The following FOXK1 variants were observed in gnomAD, a reference collection of about 807,000 sequenced individuals.
The protein encoded by FOXK1 is forkhead box K1, also known as forkhead box protein K1.
FOXK1 carries 19 observed loss-of-function variants against 51.9 expected under a neutral mutation model. The ratio of observed to expected loss-of-function variants is 0.37; its 90% confidence interval spans 0.26 to 0.54. The LOEUF (loss-of-function observed/expected upper bound fraction) is 0.54, where lower values mean the gene tolerates loss of function less well. Ranked by LOEUF, FOXK1 falls within the 20% of genes least tolerant of loss-of-function variation. The pLI, the probability that FOXK1 is intolerant of heterozygous loss-of-function variation, is 0.87. For synonymous variants in FOXK1, 537 were observed against 482.6 expected (o/e 1.11, Z -1.48); for missense variants, 870 against 1,032.7 (o/e 0.84, Z 2.16).
In FOXK1 at chr7:4,767,004, G is replaced by T. The variant is rs1237166973; in HGVS notation, c.*4540G>T. The T allele has an allele frequency of 2.6e-5, 4 of 152,242 alleles. No homozygotes were observed. 9.4% of individuals were successfully genotyped at this position (152,242 alleles called of 1,614,324 possible). ...CAGTGGGAAAAATGAAAACGTAATGGAACACGGGGAGGTGTCGGAGAAGAA... is the reference window on the plus strand; with the variant it reads ...CAGTGGGAAAAATGAAAACGTAATGTAACACGGGGAGGTGTCGGAGAAGAA... On this transcript the variant is annotated 3_prime_UTR_variant, in exon 9 of 9. Transcript: ENST00000328914. This position sits in a 1 kb window ranked among gnomAD's most constrained non-coding sequence, Gnocchi z 6.6.
At position 4,722,492 on chromosome 7, in the gene FOXK1, A is replaced by T. The variant is rs939523646; in HGVS notation, c.561-18346A>T. On this transcript the variant is annotated intron_variant, in intron 1 of 8. Transcript: ENST00000328914. The surrounding 1 kb of genome is among the most constrained non-coding windows in gnomAD (Gnocchi z 5.1). ...TACACGGCAGGGCAGTGGGCTGCTCAGCACCAGTGGCCTCAGCCCAGTGCC... is the reference window on the plus strand; with the variant it reads ...TACACGGCAGGGCAGTGGGCTGCTCTGCACCAGTGGCCTCAGCCCAGTGCC... Among the ~76,000 whole-genome samples the T allele has an allele frequency of 3.2e-4, 49 of 152,336 alleles. No homozygotes were observed. Among genetic ancestry groups the T allele is most frequent in the South Asian group, 1.2e-3 (6 of 4,828 alleles).
intron 2 of FOXK1, 57 bp from the exon 3 acceptor site, chr7:4,754,402 C>A: frequency 6.3e-7 from 1 of 1,586,322 alleles, no homozygotes; most frequent in Non-Finnish European, 8.6e-7. Context: ...AGCCCTGAGC[C>A]CCACAGGGGC....
In FOXK1 at chr7:4,682,846, C is replaced by G; in HGVS notation, c.538C>G (p.Pro180Ala). 6.4e-7 allele frequency: 1 copy of G among 1,559,796 alleles called. No individual in the cohort carries two copies. Among genetic ancestry groups the G allele is most frequent in the Middle Eastern group, 2.3e-4 (1 of 4,386 alleles). Residue 180 changes from proline to alanine, a missense_variant, in exon 1 of 9, where the codon CCC (proline) becomes GCC (alanine). Physicochemically the swap from Pro to Ala is conservative, Grantham distance 27. This residue lies in a region of FOXK1 where 399 missense variants were observed against 475.6 expected (regional missense o/e 0.84). Coordinates refer to ENST00000328914, the MANE Select transcript of FOXK1 (RefSeq NM_001037165.2). The surrounding 1 kb of genome is among the most constrained non-coding windows in gnomAD (Gnocchi z 7.6). ...CGGGGCCTTCCAGAGACGCGGCGCG[C>G]CCGCCCTGCAGCTGCCCAAGCAGTG... ...VDGAFQRRGA[P>A]ALQLPKQCTF...
In FOXK1 at chr7:4,729,882, C is replaced by A. The variant is rs988490962; in HGVS notation, c.561-10956C>A. Among the ~76,000 whole-genome samples, 1 of 152,056 alleles carries A rather than the reference C, an allele frequency of 6.6e-6. No individual in the cohort carries two copies. The highest frequency in any genetic ancestry group is 2.1e-4 in the South Asian group (1 of 4,822). ...GTGGGTACCAGTAATCCTAGCTACT[C>A]GGGAGGCTGAGGCAGGAGAATCGCT... is the stretch of plus-strand genomic sequence containing the variant. On this transcript the variant is annotated intron_variant, in intron 1 of 8. Coordinates refer to ENST00000328914, the MANE Select transcript of FOXK1 (RefSeq NM_001037165.2). This position sits in a 1 kb window ranked among gnomAD's most constrained non-coding sequence, Gnocchi z 6.2.
intron 2 of FOXK1, among the ~76,000 whole-genome samples, 182 bp from the exon 3 acceptor site, chr7:4,754,277 G>A (rs1038622993): frequency 2.0e-5 from 3 of 152,352 alleles, no homozygotes; most frequent in East Asian, 1.9e-4. Context: ...CTTGCCTGCC[G>A]TTTCCAGCAT....
At position 4,740,043 on chromosome 7, in the gene FOXK1, C is replaced by G. The variant is rs1188163874; in HGVS notation, c.561-795C>G. Reference sequence around the variant, plus strand: ...GGCACAATGGCTCTCGCCTGTAATCCCAGCAGTTTGGGAGGCTGAGGCAGG... The same window carrying G: ...GGCACAATGGCTCTCGCCTGTAATCGCAGCAGTTTGGGAGGCTGAGGCAGG... On this transcript the variant is annotated intron_variant, in intron 1 of 8. Coordinates refer to ENST00000328914, the MANE Select transcript of FOXK1 (RefSeq NM_001037165.2). Among the ~76,000 whole-genome samples, 9 of 152,296 alleles carry G rather than the reference C, an allele frequency of 5.9e-5. No homozygotes were observed. In the East Asian group the frequency reaches 1.7e-3, roughly 29 times the overall value.
chr7:4,732,511 C>A (rs970201436), intron 1 of FOXK1, among the ~76,000 whole-genome samples: 1 of 152,142 alleles, frequency 6.6e-6, no homozygotes, highest in South Asian at 2.1e-4. Context: ...CCAGGCTGAT[C>A]TCGAACTCCT....
chr7:4,685,536 T>C (rs570504719), intron 1 of FOXK1, among the ~76,000 whole-genome samples: 3 of 152,000 alleles, frequency 2.0e-5, no homozygotes, highest in Middle Eastern at 3.4e-3. Context: ...TTTTTTTTTT[T>C]TTTTTTTTAA....
At position 4,711,171 on chromosome 7, in the gene FOXK1, C is replaced by T. The variant is rs912052842; in HGVS notation, c.560+28303C>T. 3.1e-4 allele frequency among the ~76,000 whole-genome samples: 47 copies of T among 152,162 alleles called. No individual in the cohort carries two copies. Among genetic ancestry groups the T allele is most frequent in the African/African-American group, 1.1e-3 (46 of 41,446 alleles). Reference sequence around the variant, plus strand: ...CAAGCATGATGTCCGTTCCTGATGCCTTGCCCCGGGCAGCATGTGCCCAGC... The same window carrying T: ...CAAGCATGATGTCCGTTCCTGATGCTTTGCCCCGGGCAGCATGTGCCCAGC... On this transcript the variant is annotated intron_variant, in intron 1 of 8. Transcript: ENST00000328914. The surrounding 1 kb of genome is among the most constrained non-coding windows in gnomAD (Gnocchi z 6.3).
In FOXK1 at chr7:4,735,434, G is replaced by A. The variant is rs769781170; in HGVS notation, c.561-5404G>A. Reference sequence around the variant, plus strand: ...GTTTTCAGCGCATTCGCAGAGTTGCGCGGCCACCAAGTCAACTTCGGAACA... The same window carrying A: ...GTTTTCAGCGCATTCGCAGAGTTGCACGGCCACCAAGTCAACTTCGGAACA... On this transcript the variant is annotated intron_variant, in intron 1 of 8. Transcript: ENST00000328914. The surrounding 1 kb of genome is among the most constrained non-coding windows in gnomAD (Gnocchi z 4.7). 2.0e-5 allele frequency among the ~76,000 whole-genome samples: 3 copies of A among 152,264 alleles called. No homozygotes were observed. The highest frequency in any genetic ancestry group is 6.5e-5 in the Admixed American group (1 of 15,292).
Position 4,765,103 on chromosome 7 carries a change from G to C in FOXK1, c.*2639G>C, listed in dbSNP as rs11976185. ...ATGAAGGGACGTGGTCCTAGGGGTC[G>C]GCTCAGACTCGGAGCAGGGCAGGGA... On this transcript the variant is annotated 3_prime_UTR_variant, in exon 9 of 9. Coordinates refer to ENST00000328914, the MANE Select transcript of FOXK1 (RefSeq NM_001037165.2). 0.075 allele frequency: 11,535 copies of C among 153,750 alleles called. 1,425 individuals carry two copies. Among genetic ancestry groups the C allele is most frequent in the African/African-American group, 0.26 (10,760 of 41,534 alleles). 9.5% of individuals were successfully genotyped at this position (153,750 alleles called of 1,614,324 possible).
chr7:4,748,999 T>C lies in FOXK1; in HGVS notation c.747-5460T>C, dbSNP rs992012592. Among the ~76,000 whole-genome samples the C allele has an allele frequency of 6.6e-6, 1 of 152,198 alleles. No individual in the cohort carries two copies. The highest frequency in any genetic ancestry group is 2.1e-4 in the South Asian group (1 of 4,830). ...TGGACCCCCAGGTTCCTGTCCACGC[T>C]TCTGGGACTGGCTGTGCCTGGCGGG... On this transcript the variant is annotated intron_variant, in intron 2 of 8. Transcript: ENST00000328914. The surrounding 1 kb of genome is among the most constrained non-coding windows in gnomAD (Gnocchi z 4.9).
chr7:4,711,794 G>A lies in FOXK1; in HGVS notation c.560+28926G>A, dbSNP rs539807741. On this transcript the variant is annotated intron_variant, in intron 1 of 8. Transcript: ENST00000328914. This position sits in a 1 kb window ranked among gnomAD's most constrained non-coding sequence, Gnocchi z 6.3. ...GTAGTGCCTCCAGGGCAGATGCCAC[G>A]GACCGTAGAGAAGCAACGCAAGGTC... Among the ~76,000 whole-genome samples, 64 of 152,348 alleles carry A rather than the reference G, an allele frequency of 4.2e-4. No homozygotes were observed. The highest frequency in any genetic ancestry group is 1.1e-3 in the Admixed American group (17 of 15,298).
rs1168098679 is a variant in FOXK1 at position 4,771,428 on chromosome 7, A to G, written c.*8964A>G. On this transcript the variant is annotated 3_prime_UTR_variant, in exon 9 of 9. Coordinates refer to ENST00000328914, the MANE Select transcript of FOXK1 (RefSeq NM_001037165.2). The stretch of plus-strand genomic sequence containing the variant: ...TTTCTATAACCAGAAATAAAATTCT[A>G]TATTAAAGAAATGACCCTGCGGCTC... The G allele has an allele frequency of 4.6e-5, 7 of 152,350 alleles. No homozygotes were observed. Among genetic ancestry groups the G allele is most frequent in the Admixed American group, 1.3e-4 (2 of 15,280 alleles). The allele number at this position is 152,350 out of a possible 1,614,324, so 9.4% of individuals were successfully genotyped here.
chr7:4,748,775 C>T lies in FOXK1; in HGVS notation c.747-5684C>T, dbSNP rs1248166041. 1.3e-5 allele frequency among the ~76,000 whole-genome samples: 2 copies of T among 152,228 alleles called. No individual in the cohort carries two copies. Among genetic ancestry groups the T allele is most frequent in the Admixed American group, 1.3e-4 (2 of 15,284 alleles). On this transcript the variant is annotated intron_variant, in intron 2 of 8. Coordinates refer to ENST00000328914, the MANE Select transcript of FOXK1 (RefSeq NM_001037165.2). This position sits in a 1 kb window ranked among gnomAD's most constrained non-coding sequence, Gnocchi z 4.9. ...TGTTGCCCAGGCTGGTACTTCTGGG[C>T]TCAAGCGAGCCTCCTGCCTCAGCCT...
At position 4,762,471 on chromosome 7, in the gene FOXK1, C is replaced by G; in HGVS notation, c.*7C>G. 1.3e-6 allele frequency: 2 copies of G among 1,539,012 alleles called. 1 individual carries two copies. The highest frequency in any genetic ancestry group is 3.9e-5 in the Admixed American group (2 of 50,736). ...GCCAGGCACCGGGGAGTGAGGTCAC[C>G]TGCAACGCGGGGGAGTGGGACTCAC... On this transcript the variant is annotated 3_prime_UTR_variant, in exon 9 of 9. Coordinates refer to ENST00000328914, the MANE Select transcript of FOXK1 (RefSeq NM_001037165.2). The surrounding 1 kb of genome is among the most constrained non-coding windows in gnomAD (Gnocchi z 5.7).
At position 4,747,136 on chromosome 7, in the gene FOXK1, G is replaced by A. The variant is rs957589659; in HGVS notation, c.746+6113G>A. On this transcript the variant is annotated intron_variant, in intron 2 of 8. Transcript: ENST00000328914. The surrounding 1 kb of genome is among the most constrained non-coding windows in gnomAD (Gnocchi z 9.2). The stretch of plus-strand genomic sequence containing the variant: ...CTGTTGAAAGGACATCCCCACGCCC[G>A]CGTTTCCTGTAATCTCGGAGGGTCC... 2.6e-5 allele frequency among the ~76,000 whole-genome samples: 4 copies of A among 152,216 alleles called. No individual in the cohort carries two copies. The highest frequency in any genetic ancestry group is 4.8e-5 in the African/African-American group (2 of 41,454).
At chr7:4,726,990 G>C (rs757880762) in intron 1 of FOXK1, among the ~76,000 whole-genome samples, 23 of 152,100 alleles carry the variant, frequency 1.5e-4, no homozygotes, top group Non-Finnish European at 2.8e-4. Flanking sequence ...TGTCACCCAG[G>C]TTGGAGTGCA....
chr7:4,691,357 G>A (rs981423117), intron 1 of FOXK1, among the ~76,000 whole-genome samples: 1 of 152,148 alleles, frequency 6.6e-6, no homozygotes. Context: ...TAGACATACA[G>A]AGAGCCTCCC....
Sources: gnomAD v4.1 joint callset for allele counts (sites outside exome capture counted in the v4.1 genomes callset) on GRCh38, gnomAD v4.1.1 for gene constraint, gnomAD v4.1.1 regional missense constraint, Gnocchi (gnomAD v3.1) non-coding constraint, MANE v1.5 for transcripts, NCBI Gene and HGNC (gene_info 2026-07-23, HGNC 2026-07-21) for gene names.